Variants in SLC35C1 observed in about 807,000 individuals in gnomAD.
SLC35C1 encodes solute carrier family 35 member C1.
SLC35C1 carries 8 observed loss-of-function variants against 23.2 expected under a neutral mutation model. The observed-to-expected ratio is 0.35, with a 90% CI of 0.20 to 0.62. The LOEUF (loss-of-function observed/expected upper bound fraction) is 0.62. SLC35C1 is among the 20% of genes least tolerant of loss of function. The pLI is 0.75. For missense variants in SLC35C1, 422 were observed against 478.6 expected (o/e 0.88, Z 1.10); for synonymous variants, 226 against 225.1 (o/e 1.00, Z -0.04).
upstream of SLC35C1, chr11:45,804,414 G>A (rs942632024): frequency 1.0e-5 from 9 of 898,274 alleles, no homozygotes; most frequent in Middle Eastern, 5.7e-4. Flanking sequence ...CCAGTGCACC[G>A]GAGGAGGTGA....
Sources: allele counts gnomAD v4.1 joint callset, GRCh38; gene constraint gnomAD v4.1.1; transcripts MANE v1.5; gene names NCBI Gene and HGNC (gene_info 2026-07-23, HGNC 2026-07-21).